The following SYT9 variants were observed in gnomAD, a reference collection of about 807,000 sequenced individuals.
SYT9 encodes the protein synaptotagmin 9, also known as synaptotagmin-9.
In SYT9, 22 loss-of-function variants were observed where a neutral mutation model predicts 48.4. The observed-to-expected ratio is 0.45, with a 90% CI of 0.32 to 0.65. The LOEUF (loss-of-function observed/expected upper bound fraction) is 0.65, where lower values mean the gene tolerates loss of function less well. Among genes scored for constraint, SYT9 ranks in the 30% least tolerant of loss-of-function variants. The pLI is 0.03. For synonymous variants in SYT9, 265 were observed against 245.0 expected, an observed-to-expected ratio of 1.08 and a Z score of -0.76; for missense variants, 577 against 622.0, an observed-to-expected ratio of 0.93 and a Z score of 0.77.
intron 1 of SYT9, among the ~76,000 whole-genome samples, chr11:7,286,762 C>T (rs1848602172): frequency 6.6e-6 from 1 of 152,154 alleles, no homozygotes; most frequent in South Asian, 2.1e-4. Flanking sequence ...AAAATGCTGC[C>T]AGTCTCTTTG....
At position 7,407,360 on chromosome 11, in the gene SYT9, A is replaced by ATT. The variant is rs756378336; in HGVS notation, c.1045-8652_1045-8651dup. Among the ~76,000 whole-genome samples the ATT allele has an allele frequency of 9.1e-3, 344 of 37,778 alleles. 66 individuals are homozygous for ATT. Among genetic ancestry groups the ATT allele is most frequent in the East Asian group, 0.011 (17 of 1,584 alleles). 24.8% of individuals were successfully genotyped at this position (37,778 alleles called of 152,430 possible). A position where few individuals can be genotyped will look rare whatever the true frequency, so the allele number is the denominator to read the frequency against. On this transcript the variant is annotated intron_variant, in intron 3 of 6. Coordinates refer to ENST00000318881, the MANE Select transcript of SYT9 (RefSeq NM_175733.4). The stretch of plus-strand genomic sequence containing the variant: ...CTCAGGTCTTATGTTTAAGTCTATA[A>ATT]TTTTTTTTTTTTTTTTTTTTTTTTT...
upstream of SYT9, among the ~76,000 whole-genome samples, chr11:7,247,134 C>T (rs150905081): frequency 7.0e-3 from 1,069 of 152,188 alleles, 8 homozygotes; most frequent in Non-Finnish European, 8.6e-3. Context: ...TATTGGGGAA[C>T]AGGTGGTGTT....
intron 1 of SYT9, among the ~76,000 whole-genome samples, chr11:7,257,322 C>A (rs1458695956): frequency 6.6e-6 from 1 of 152,064 alleles, no homozygotes; most frequent in Admixed American, 6.6e-5. Flanking sequence ...CTACATTTTT[C>A]TTTTAAGGGC....
intron 6 of SYT9, among the ~76,000 whole-genome samples, chr11:7,436,621 T>C (rs1847716230): frequency 7.6e-6 from 1 of 131,040 alleles, no homozygotes; most frequent in Non-Finnish European, 1.9e-5. Context: ...AGTTGGTTTT[T>C]TTGTTTGTTT....
chr11:7,299,425 A>G (rs1344576131), intron 1 of SYT9, among the ~76,000 whole-genome samples: 1 of 151,532 alleles, frequency 6.6e-6, no homozygotes, highest in Non-Finnish European at 1.5e-5. Context: ...GTAGGTCACT[A>G]TTGGTGTTTC....
At chr11:7,350,493 G>T (rs1849892538) in intron 3 of SYT9, among the ~76,000 whole-genome samples, 1 of 152,180 alleles carries the variant, frequency 6.6e-6, no homozygotes, top group South Asian at 2.1e-4. Flanking sequence ...CTGCCTACGT[G>T]CATTGATCTG....
intron 3 of SYT9, among the ~76,000 whole-genome samples, chr11:7,322,192 C>A (rs1220260887): frequency 1.3e-5 from 2 of 152,136 alleles, no homozygotes; most frequent in African/African-American, 4.8e-5. Context: ...TGTGACATCA[C>A]TGAAAGCAGA....
chr11:7,426,682 G>A (rs1444918167), intron 6 of SYT9, among the ~76,000 whole-genome samples: 2 of 152,002 alleles, frequency 1.3e-5, no homozygotes, highest in Non-Finnish European at 2.9e-5. Flanking sequence ...AAGCCTGAAC[G>A]GTAAAGCCAG....
At chr11:7,290,995 G>T (rs962724987) in intron 1 of SYT9, among the ~76,000 whole-genome samples, 12 of 152,192 alleles carry the variant, frequency 7.9e-5, no homozygotes, top group Admixed American at 2.0e-4. Flanking sequence ...GGGAGCCATT[G>T]CTATCCACAG....
chr11:7,431,299 T>C (rs1287353344), intron 6 of SYT9, among the ~76,000 whole-genome samples: 1 of 152,234 alleles, frequency 6.6e-6, no homozygotes, highest in Non-Finnish European at 1.5e-5. Context: ...CTAGAGTATC[T>C]GGCAGAAGAA....
At chr11:7,453,368 C>T (rs1002184261) in intron 6 of SYT9, among the ~76,000 whole-genome samples, 1 of 152,112 alleles carries the variant, frequency 6.6e-6, no homozygotes, top group Non-Finnish European at 1.5e-5. Flanking sequence ...ATCATCAGTT[C>T]CCATGACCAT....
chr11:7,314,953 C>G (rs1849213303), intron 3 of SYT9, among the ~76,000 whole-genome samples: 2 of 152,228 alleles, frequency 1.3e-5, no homozygotes, highest in South Asian at 2.1e-4. Context: ...GACCAAATAC[C>G]TGCACCAGTA....
At chr11:7,276,049 A>G (rs920910440) in intron 1 of SYT9, among the ~76,000 whole-genome samples, 1 of 152,174 alleles carries the variant, frequency 6.6e-6, no homozygotes, top group South Asian at 2.1e-4. Flanking sequence ...GTGTCCAAAT[A>G]TTAAGTGAGT....
At chr11:7,364,951 G>C (rs771661228) in intron 3 of SYT9, among the ~76,000 whole-genome samples, 8 of 152,154 alleles carry the variant, frequency 5.3e-5, no homozygotes, top group Non-Finnish European at 1.2e-4. Context: ...TGTTCAGACA[G>C]TTAAGACTTG....
intron 6 of SYT9, among the ~76,000 whole-genome samples, chr11:7,453,266 C>T (rs941877406): frequency 1.3e-5 from 2 of 152,024 alleles, no homozygotes; most frequent in African/African-American, 4.8e-5. Context: ...GTGGCGTGCC[C>T]ACTATGGGGA....
At chr11:7,367,647 A>T (rs995181153) in intron 3 of SYT9, among the ~76,000 whole-genome samples, 3 of 151,696 alleles carry the variant, frequency 2.0e-5, no homozygotes, top group Non-Finnish European at 4.4e-5. Context: ...TCATTTTTGT[A>T]TTGGGGTTTA....
intron 3 of SYT9, among the ~76,000 whole-genome samples, chr11:7,360,035 G>A (rs1850101662): frequency 6.6e-6 from 1 of 151,832 alleles, no homozygotes; most frequent in Non-Finnish European, 1.5e-5. Flanking sequence ...TGTATAAGGT[G>A]TAAGGAAGGG....
chr11:7,460,062 T>A (rs1312770957), intron 6 of SYT9, among the ~76,000 whole-genome samples: 1 of 152,208 alleles, frequency 6.6e-6, no homozygotes, highest in African/African-American at 2.4e-5. Context: ...GTACCTTGAT[T>A]TTCTCATCTG....
intron 3 of SYT9, among the ~76,000 whole-genome samples, chr11:7,392,582 G>GC (rs1554918266): frequency 1.2e-4 from 18 of 151,512 alleles, no homozygotes; most frequent in Non-Finnish European, 2.5e-4. Context: ...TATTCAGGCT[G>GC]TTTTTTTTAT....
Sources: allele counts gnomAD v4.1 joint callset (sites outside exome capture counted in the v4.1 genomes callset), GRCh38; gene constraint gnomAD v4.1.1; transcripts MANE v1.5; gene names NCBI Gene and HGNC (gene_info 2026-07-23, HGNC 2026-07-21).